EBF4: variants seen among roughly 807,000 people sequenced by gnomAD.
EBF4 encodes the protein transcription factor COE4.
EBF4 carries 34 observed loss-of-function variants against 67.1 expected under a neutral mutation model. The observed-to-expected ratio is 0.51, with a 90% CI of 0.39 to 0.67. The LOEUF (loss-of-function observed/expected upper bound fraction) is 0.67, where lower values mean the gene tolerates loss of function less well. EBF4 is among the 30% of genes least tolerant of loss of function. EBF4 has a pLI of 0.00. For synonymous variants in EBF4, 387 were observed against 377.7 expected, an observed-to-expected ratio of 1.02 and a Z score of -0.29; for missense variants, 837 against 873.3, an observed-to-expected ratio of 0.96 and a Z score of 0.52.
exon 7 of EBF4, chr20:2,748,556 C>G: frequency 6.4e-7 from 1 of 1,551,516 alleles, no homozygotes; most frequent in Non-Finnish European, 8.7e-7. Flanking sequence ...CAGGTTCTTC[C>G]TCAAGTTCTT....
chr20:2,716,258 G>A (rs1358247418), intron 6 of EBF4, among the ~76,000 whole-genome samples: 1 of 150,940 alleles, frequency 6.6e-6, no homozygotes, highest in Non-Finnish European at 1.5e-5. Flanking sequence ...CAGGCGCAGT[G>A]GCTCACGCCT....
intron 6 of EBF4, among the ~76,000 whole-genome samples, chr20:2,720,714 T>C (rs1204065960): frequency 6.6e-6 from 1 of 152,196 alleles, no homozygotes; most frequent in Non-Finnish European, 1.5e-5. Flanking sequence ...ATTTAAAATA[T>C]TTTATCTATT....
chr20:2,714,815 G>T (rs916770602), intron 6 of EBF4, among the ~76,000 whole-genome samples: 1 of 151,816 alleles, frequency 6.6e-6, no homozygotes, highest in African/African-American at 2.4e-5. Flanking sequence ...TACATACTCC[G>T]GGTTTTCATT....
At chr20:2,752,262 G>C in exon 13 of EBF4, 1 of 1,252,042 alleles carries the variant, frequency 8.0e-7, no homozygotes, top group Non-Finnish European at 1.0e-6. Context: ...GGCCCGAGCC[G>C]GGTGCGTGGG....
upstream of EBF4, chr20:2,692,804 A>AGCGGCG (rs575394026): frequency 3.2e-4 from 49 of 152,458 alleles, no homozygotes; most frequent in Admixed American, 1.9e-3. The surrounding 1 kb of genome is among the most constrained non-coding windows in gnomAD (Gnocchi z 6.4). Context: ...CTCCCCCGGG[A>AGCGGCG]GCGGCGGCGG....
intron 1 of EBF4, among the ~76,000 whole-genome samples, chr20:2,697,679 A>G (rs2087315899): frequency 6.6e-6 from 1 of 152,130 alleles, no homozygotes; most frequent in African/African-American, 2.4e-5. Flanking sequence ...CTACCAGGGA[A>G]GTCTGCACAA....
At chr20:2,749,933 G>A (rs2088115620) in exon 10 of EBF4, 3 of 1,551,380 alleles carry the variant, frequency 1.9e-6, no homozygotes, top group East Asian at 4.9e-5. Flanking sequence ...ACAAGTCCAA[G>A]CAGTTTTGCA....
exon 2 of EBF4, chr20:2,705,599 C>T: frequency 6.4e-7 from 1 of 1,552,542 alleles, no homozygotes; most frequent in South Asian, 1.2e-5. Context: ...GGCACGAGCA[C>T]ATTTTGAGAA....
rs1175575477 is a variant in EBF4, at chr20:2,752,011, C to T, written c.1173+24C>T. The T allele has an allele frequency of 3.3e-6, 5 of 1,535,298 alleles. No individual in the cohort carries two copies. In the South Asian group the frequency reaches 4.8e-5, roughly 15 times the overall value. On this transcript the variant is annotated intron_variant, in intron 12 of 16. Coordinates refer to ENST00000609451, the Ensembl canonical transcript of EBF4. Reference sequence around the variant, plus strand: ...AGGTATGGCGCCTCCGCCCTCCCAGCGCCGCCGGGACCGGGGCCCCCCAGC... The same window carrying T: ...AGGTATGGCGCCTCCGCCCTCCCAGTGCCGCCGGGACCGGGGCCCCCCAGC...
At chr20:2,716,176 C>G (rs1461995178) in intron 6 of EBF4, among the ~76,000 whole-genome samples, 1 of 150,910 alleles carries the variant, frequency 6.6e-6, no homozygotes, top group African/African-American at 2.4e-5. Flanking sequence ...GAGCCATAAT[C>G]CCATCACTGC....
chr20:2,697,471 G>T (rs113840515), intron 1 of EBF4, among the ~76,000 whole-genome samples: 2 of 152,024 alleles, frequency 1.3e-5, no homozygotes, highest in African/African-American at 4.8e-5. Context: ...CGTGAACCCG[G>T]GAGGCGGAGC....
intron 6 of EBF4, among the ~76,000 whole-genome samples, chr20:2,731,682 A>G (rs2087815800): frequency 1.3e-5 from 2 of 152,220 alleles, no homozygotes; most frequent in South Asian, 2.1e-4. Context: ...CCTTCTTCCT[A>G]CGAACAAACC....
intron 6 of EBF4, among the ~76,000 whole-genome samples, chr20:2,725,167 C>A (rs1378753927): frequency 1.3e-5 from 2 of 152,168 alleles, no homozygotes; most frequent in Non-Finnish European, 2.9e-5. Context: ...TCTCTTTTCT[C>A]TTCTGGCACT....
rs941180113 is a variant in EBF4, at chr20:2,707,251, G to A, written c.415-696G>A. The stretch of plus-strand genomic sequence containing the variant: ...AAGGGGACGGGTGTGGAAGGGGTTC[G>A]AGGAAGTCCACAGAGAGAGGGATCC... On this transcript the variant is annotated intron_variant, in intron 4 of 16. Transcript: ENST00000609451. This position sits in a 1 kb window ranked among gnomAD's most constrained non-coding sequence, Gnocchi z 4.6. Among the ~76,000 whole-genome samples, 5 of 152,132 alleles carry A rather than the reference G, an allele frequency of 3.3e-5. No homozygotes were observed. The highest frequency in any genetic ancestry group is 1.2e-4 in the African/African-American group (5 of 41,406).
intron 6 of EBF4, among the ~76,000 whole-genome samples, chr20:2,737,008 G>A (rs1424116276): frequency 6.6e-6 from 1 of 152,092 alleles, no homozygotes; most frequent in Non-Finnish European, 1.5e-5. Context: ...CCAGCACTTT[G>A]GGAGGCCAAG....
chr20:2,721,310 A>C (rs796287543), intron 6 of EBF4, among the ~76,000 whole-genome samples: 5 of 101,856 alleles, frequency 4.9e-5, no homozygotes, highest in African/African-American at 2.0e-4. Flanking sequence ...TTTAACTGTT[A>C]TGCCTTCAAG....
chr20:2,695,300 G>A (rs772829585), intron 1 of EBF4, among the ~76,000 whole-genome samples: 18 of 152,140 alleles, frequency 1.2e-4, no homozygotes, highest in Non-Finnish European at 2.6e-4. Flanking sequence ...CCAGAGGCAG[G>A]TCTGATGAAG....
chr20:2,746,078 G>A (rs2088046031), intron 6 of EBF4, among the ~76,000 whole-genome samples: 1 of 152,190 alleles, frequency 6.6e-6, no homozygotes, highest in Non-Finnish European at 1.5e-5. Context: ...GTGTGTGTGA[G>A]TAGGGAGTCT....
At chr20:2,741,141 G>A (rs1404921627) in intron 6 of EBF4, among the ~76,000 whole-genome samples, 3 of 152,076 alleles carry the variant, frequency 2.0e-5, no homozygotes, top group East Asian at 1.9e-4. Context: ...TGAGACCTCC[G>A]TCTCTACAAA....
Sources: allele counts gnomAD v4.1 joint callset (sites outside exome capture counted in the v4.1 genomes callset), GRCh38; gene constraint gnomAD v4.1.1; non-coding constraint Gnocchi (gnomAD v3.1); transcripts MANE v1.5; gene names NCBI Gene and HGNC (gene_info 2026-07-23, HGNC 2026-07-21).